Variants in PPP1R1C observed in about 807,000 individuals in gnomAD.
PPP1R1C encodes the protein protein phosphatase 1 regulatory subunit 1C.
In PPP1R1C, 15 loss-of-function variants were observed where a neutral mutation model predicts 17.4. The observed-to-expected ratio is 0.86, with a 90% confidence interval of 0.58 to 1.33. PPP1R1C has a LOEUF of 1.33. Ranked by LOEUF, PPP1R1C falls within the 40% of genes most tolerant of loss-of-function variation. PPP1R1C has a pLI of 0.00. For missense variants in PPP1R1C, 143 were observed against 130.0 expected, an observed-to-expected ratio of 1.10 and a Z score of -0.48; for synonymous variants, 35 against 43.1, an observed-to-expected ratio of 0.81 and a Z score of 0.73.
At chr2:182,082,756 C>T (rs1454515400) in intron 4 of PPP1R1C, among the ~76,000 whole-genome samples, 2 of 152,164 alleles carry the variant, frequency 1.3e-5, no homozygotes, top group Non-Finnish European at 2.9e-5. Context: ...CTCTGATCAA[C>T]TATAACATAC....
chr2:182,013,362 T>C (rs1380276286), intron 2 of PPP1R1C, among the ~76,000 whole-genome samples: 1 of 152,172 alleles, frequency 6.6e-6, no homozygotes, highest in African/African-American at 2.4e-5. Flanking sequence ...TGACACTCTC[T>C]CCTGGCCTGT....
At chr2:182,092,829 C>A (rs1006160744) in intron 4 of PPP1R1C, among the ~76,000 whole-genome samples, 2 of 152,190 alleles carry the variant, frequency 1.3e-5, no homozygotes, top group African/African-American at 4.8e-5. Context: ...GCAGCTCTAT[C>A]CCTGTGGCTT....
chr2:182,013,997 TA>T (rs1686169911), intron 2 of PPP1R1C, among the ~76,000 whole-genome samples: 1 of 152,232 alleles, frequency 6.6e-6, no homozygotes, highest in Non-Finnish European at 1.5e-5. Context: ...ATTCTCTGTC[TA>T]AAAGTTTACA....
chr2:181,960,735 G>A (rs1684761832), intron 1 of PPP1R1C, among the ~76,000 whole-genome samples: 1 of 152,166 alleles, frequency 6.6e-6, no homozygotes, highest in African/African-American at 2.4e-5. Context: ...CAGGCAGTGG[G>A]GACAGCTGAA....
intron 2 of PPP1R1C, among the ~76,000 whole-genome samples, chr2:182,057,484 C>CT (rs1176158955): frequency 1.3e-5 from 2 of 152,086 alleles, no homozygotes; most frequent in Non-Finnish European, 2.9e-5. Flanking sequence ...AAGCAGCAAG[C>CT]TGGGGGATAT....
In PPP1R1C at chr2:181,961,290, G is replaced by C. The variant is rs1007127461; in HGVS notation, n.111+6656G>C. 6 of 739,958 alleles carry C rather than the reference G, an allele frequency of 8.1e-6. No individual in the cohort carries two copies. The highest frequency in any genetic ancestry group is 3.7e-5 in the Admixed American group (2 of 54,768). 45.8% of individuals were successfully genotyped at this position (739,958 alleles called of 1,614,324 possible). Reference sequence around the variant, plus strand: ...TTTGGATGGTTTGCATGGAGTTGCTGTTGTCCAGGGCATCACCAAGATTGA... The same window carrying C: ...TTTGGATGGTTTGCATGGAGTTGCTCTTGTCCAGGGCATCACCAAGATTGA... On this transcript the variant is annotated intron_variant and non_coding_transcript_variant, in intron 1 of 5. Coordinates refer to the PPP1R1C transcript ENST00000464264. This position sits in a 1 kb window ranked among gnomAD's most constrained non-coding sequence, Gnocchi z 5.8.
upstream of PPP1R1C, among the ~76,000 whole-genome samples, chr2:181,982,646 A>G (rs1685213808): frequency 6.6e-6 from 1 of 152,184 alleles, no homozygotes; most frequent in South Asian, 2.1e-4. Flanking sequence ...GAGAATGAAT[A>G]TAATTTGGGT....
At chr2:182,040,931 T>C (rs1203977612) in intron 2 of PPP1R1C, among the ~76,000 whole-genome samples, 1 of 152,198 alleles carries the variant, frequency 6.6e-6, no homozygotes, top group African/African-American at 2.4e-5. Flanking sequence ...TTTATGTTTT[T>C]GTATGCTTTG....
intron 2 of PPP1R1C, among the ~76,000 whole-genome samples, chr2:181,996,212 T>A (rs1458797485): frequency 6.6e-6 from 1 of 152,174 alleles, no homozygotes; most frequent in Non-Finnish European, 1.5e-5. Flanking sequence ...ACTCTGAAGA[T>A]ATAACACGTT....
chr2:182,068,408 G>T lies in PPP1R1C; in HGVS notation c.241+4617G>T, dbSNP rs1207564721. On this transcript the variant is annotated intron_variant, in intron 4 of 4. Coordinates refer to ENST00000682840, the MANE Select transcript of PPP1R1C (RefSeq NM_001080545.3). ...ATGATTTTGAGAGAGACAGAGGAGA[G>T]GTGAAAGGACTTCCAGGAGAATAAA... Among the ~76,000 whole-genome samples, 10 of 152,176 alleles carry T rather than the reference G, an allele frequency of 6.6e-5. No homozygotes were observed. In the East Asian group the frequency reaches 1.7e-3, roughly 26 times the overall value.
chr2:182,075,871 T>C (rs1300610801), intron 4 of PPP1R1C, among the ~76,000 whole-genome samples: 1 of 152,174 alleles, frequency 6.6e-6, no homozygotes, highest in African/African-American at 2.4e-5. Flanking sequence ...CAACTTACAG[T>C]ACTTCTGTGA....
intron 5 of PPP1R1C, among the ~76,000 whole-genome samples, chr2:182,128,218 T>A (rs572094786): frequency 6.6e-6 from 1 of 152,234 alleles, no homozygotes; most frequent in East Asian, 1.9e-4. Flanking sequence ...GTCAAATACA[T>A]GTAAACTAAT....
chr2:182,004,455 T>G (rs1047174687), intron 2 of PPP1R1C, among the ~76,000 whole-genome samples: 29 of 152,140 alleles, frequency 1.9e-4, no homozygotes, highest in African/African-American at 7.0e-4. Flanking sequence ...CATAGCCCAG[T>G]CAATGATAGG....
chr2:182,049,206 TG>T (rs1310122538), intron 2 of PPP1R1C, among the ~76,000 whole-genome samples: 2 of 151,888 alleles, frequency 1.3e-5, no homozygotes, highest in Non-Finnish European at 2.9e-5. Context: ...GGCGGGTGCC[TG>T]TAGTCCCAGC....
intron 4 of PPP1R1C, among the ~76,000 whole-genome samples, chr2:182,093,521 T>G (rs536722110): frequency 1.3e-5 from 2 of 152,356 alleles, no homozygotes; most frequent in South Asian, 4.1e-4. Flanking sequence ...AATGCGATTT[T>G]CTTTTCTATT....
chr2:181,987,249 G>A (rs1264628767), intron 1 of PPP1R1C, among the ~76,000 whole-genome samples: 3 of 150,956 alleles, frequency 2.0e-5, no homozygotes, highest in African/African-American at 7.3e-5. Flanking sequence ...CTATGCTCCT[G>A]TAACTCTTAA....
chr2:182,031,829 C>T (rs1436609109), intron 2 of PPP1R1C, among the ~76,000 whole-genome samples: 3 of 152,046 alleles, frequency 2.0e-5, no homozygotes, highest in African/African-American at 7.2e-5. Context: ...GCCAAACCTA[C>T]CTAGAAGATT....
At chr2:182,037,180 A>T (rs888889792) in intron 2 of PPP1R1C, among the ~76,000 whole-genome samples, 1 of 152,224 alleles carries the variant, frequency 6.6e-6, no homozygotes, top group African/African-American at 2.4e-5. Context: ...AAAACAAACA[A>T]AAAAGGCAGA....
At chr2:181,977,389 T>C (rs886108697) in intron 2 of PPP1R1C, among the ~76,000 whole-genome samples, 1 of 152,062 alleles carries the variant, frequency 6.6e-6, no homozygotes, top group African/African-American at 2.4e-5. Flanking sequence ...TTTGTGTGTG[T>C]GTGTTTGTTT....
Sources: allele counts gnomAD v4.1 joint callset (sites outside exome capture counted in the v4.1 genomes callset), GRCh38; gene constraint gnomAD v4.1.1; non-coding constraint Gnocchi (gnomAD v3.1); transcripts MANE v1.5; gene names NCBI Gene and HGNC (gene_info 2026-07-23, HGNC 2026-07-21).